Variants in POFUT3 observed in about 807,000 individuals in gnomAD.
POFUT3 encodes protein O-fucosyltransferase 3, also known as GDP-fucose protein O-fucosyltransferase 3.
the POFUT3 span, chr8:33,361,352 T>G: frequency 1.3e-5 from 2 of 152,256 alleles, no homozygotes; most frequent in African/African-American, 4.8e-5. Flanking sequence ...GGACTTATTC[T>G]GGACTTGCCA....
At chr8:33,321,163 A>C in the POFUT3 span, among the ~76,000 whole-genome samples, 1 of 152,132 alleles carries the variant, frequency 6.6e-6, no homozygotes, top group Non-Finnish European at 1.5e-5. Context: ...TCTAGGTAAG[A>C]ATAGGCTAAG....
the POFUT3 span, among the ~76,000 whole-genome samples, chr8:33,309,197 T>C: frequency 0.012 from 1,269 of 103,746 alleles, 80 homozygotes; most frequent in African/African-American, 0.044. Context: ...TATATATATA[T>C]ATACACACAC....
At chr8:33,308,637 G>A in the POFUT3 span, among the ~76,000 whole-genome samples, 1 of 152,254 alleles carries the variant, frequency 6.6e-6, no homozygotes, top group Non-Finnish European at 1.5e-5. Flanking sequence ...GCCCCTTGAG[G>A]CATTCATCCT....
chr8:33,360,296 A>G, the POFUT3 span, among the ~76,000 whole-genome samples: 1 of 151,678 alleles, frequency 6.6e-6, no homozygotes, highest in African/African-American at 2.4e-5. Context: ...TACAAAAATA[A>G]TTAGCCGGGC....
At chr8:33,384,751 G>A in the POFUT3 span, among the ~76,000 whole-genome samples, 1 of 152,104 alleles carries the variant, frequency 6.6e-6, no homozygotes, top group African/African-American at 2.4e-5. Flanking sequence ...AACCCGGGAG[G>A]CAGAGGTTGC....
At chr8:33,340,398 A>G in the POFUT3 span, among the ~76,000 whole-genome samples, 34,968 of 150,632 alleles carry the variant, frequency 0.23, 4,372 homozygotes, top group South Asian at 0.5. Flanking sequence ...ATATATATAC[A>G]TGTGTGTGTG....
At chr8:33,341,759 A>C in the POFUT3 span, among the ~76,000 whole-genome samples, 1 of 152,166 alleles carries the variant, frequency 6.6e-6, no homozygotes, top group Non-Finnish European at 1.5e-5. Flanking sequence ...GAAAACAGAA[A>C]AACAATAAAG....
the POFUT3 span, among the ~76,000 whole-genome samples, chr8:33,427,976 T>A: frequency 1.3e-5 from 2 of 151,990 alleles, no homozygotes; most frequent in African/African-American, 4.8e-5. Context: ...AATACAAAAA[T>A]TAGCTGGACA....
chr8:33,358,104 T>A, the POFUT3 span, among the ~76,000 whole-genome samples: 1 of 151,948 alleles, frequency 6.6e-6, no homozygotes, highest in African/African-American at 2.4e-5. Flanking sequence ...TACAAAAAAA[T>A]TAGCCAGGTG....
At chr8:33,373,059 G>T in the POFUT3 span, among the ~76,000 whole-genome samples, 1 of 152,022 alleles carries the variant, frequency 6.6e-6, no homozygotes, top group Non-Finnish European at 1.5e-5. Flanking sequence ...ACTTAAGATC[G>T]AATATAGTTC....
At chr8:33,376,022 G>GA in the POFUT3 span, among the ~76,000 whole-genome samples, 43,797 of 124,358 alleles carry the variant, frequency 0.35, 7,590 homozygotes, top group East Asian at 0.59. Context: ...ATCTCAAAAA[G>GA]AAAAAAAAAA....
chr8:33,389,993 G>A, the POFUT3 span, among the ~76,000 whole-genome samples: 40 of 152,176 alleles, frequency 2.6e-4, no homozygotes, highest in African/African-American at 8.9e-4. Flanking sequence ...TCAGGAGTTC[G>A]AGACCAGCCT....
At chr8:33,453,320 G>T in the POFUT3 span, 3 of 1,614,172 alleles carry the variant, frequency 1.9e-6, no homozygotes, top group East Asian at 2.2e-5. Flanking sequence ...AGTCTCCCCC[G>T]TCAGCGGGGA....
At chr8:33,393,652 G>A in the POFUT3 span, among the ~76,000 whole-genome samples, 1 of 152,160 alleles carries the variant, frequency 6.6e-6, no homozygotes, top group Non-Finnish European at 1.5e-5. Context: ...AATGCAGTGT[G>A]AATCACTCAT....
At chr8:33,418,502 C>G in the POFUT3 span, among the ~76,000 whole-genome samples, 1 of 151,292 alleles carries the variant, frequency 6.6e-6, no homozygotes, top group African/African-American at 2.4e-5. Flanking sequence ...AGGGTTTCAC[C>G]ACGTTGGCTG....
chr8:33,328,952 T>C, the POFUT3 span, among the ~76,000 whole-genome samples: 2 of 152,222 alleles, frequency 1.3e-5, no homozygotes, highest in African/African-American at 4.8e-5. Context: ...ACATTAAAAT[T>C]CTCTCATTTT....
chr8:33,446,111 G>T, the POFUT3 span, among the ~76,000 whole-genome samples: 1 of 152,126 alleles, frequency 6.6e-6, no homozygotes, highest in African/African-American at 2.4e-5. Flanking sequence ...AGAGCAGAAA[G>T]ACCATGGCAG....
the POFUT3 span, chr8:33,452,249 T>G: frequency 6.6e-6 from 1 of 152,088 alleles, no homozygotes; most frequent in Non-Finnish European, 1.5e-5. Context: ...CAATGTAGAG[T>G]AGTGTTATAT....
chr8:33,424,464 A>G, the POFUT3 span, among the ~76,000 whole-genome samples: 2 of 152,308 alleles, frequency 1.3e-5, no homozygotes, highest in South Asian at 4.1e-4. Flanking sequence ...TGCTACCAGC[A>G]AGAAGTAATT....
Sources: gnomAD v4.1 joint callset for allele counts (sites outside exome capture counted in the v4.1 genomes callset) on GRCh38, gnomAD v4.1.1 for gene constraint, MANE v1.5 for transcripts, NCBI Gene and HGNC (gene_info 2026-07-23, HGNC 2026-07-21) for gene names.